Variants in GRB10 observed in about 807,000 individuals in gnomAD.
The protein encoded by GRB10 is growth factor receptor bound protein 10.
Under a neutral mutation model 80.9 loss-of-function variants are expected in GRB10, and 20 were observed. The observed-to-expected ratio is 0.25, with a 90% CI of 0.17 to 0.36. GRB10 has a LOEUF of 0.36. GRB10 is among the 10% of genes least tolerant of loss of function. The pLI, the probability that GRB10 is intolerant of heterozygous loss-of-function variation, is 1.00. For synonymous variants in GRB10, 291 were observed against 291.5 expected (o/e 1.00, Z 0.02); for missense variants, 548 against 747.7 (o/e 0.73, Z 3.12).
intron 7 of GRB10, among the ~76,000 whole-genome samples, chr7:50,628,435 C>T (rs905922455): frequency 5.3e-5 from 8 of 152,136 alleles, no homozygotes; most frequent in African/African-American, 1.7e-4. Context: ...TGGGAGGCCC[C>T]CACCTTAATC....
At chr7:50,701,814 T>G (rs2064272650) in intron 5 of GRB10, among the ~76,000 whole-genome samples, 1 of 152,232 alleles carries the variant, frequency 6.6e-6, no homozygotes, top group South Asian at 2.1e-4. Context: ...TCATTTTGTC[T>G]TGTTGTGTTT....
chr7:50,658,051 T>G (rs1488662621), intron 7 of GRB10, among the ~76,000 whole-genome samples: 1 of 152,248 alleles, frequency 6.6e-6, no homozygotes, highest in African/African-American at 2.4e-5. Flanking sequence ...ATCTTGGGTC[T>G]CAACCAAGAC....
intron 2 of GRB10, among the ~76,000 whole-genome samples, chr7:50,766,485 TA>T: frequency 6.6e-6 from 1 of 151,912 alleles, no homozygotes; most frequent in East Asian, 1.9e-4. Context: ...AAAGGAGTTT[TA>T]AAAAAAAGGG....
intron 7 of GRB10, among the ~76,000 whole-genome samples, chr7:50,651,842 C>T (rs1383898266): frequency 1.3e-5 from 2 of 152,238 alleles, no homozygotes; most frequent in Non-Finnish European, 2.9e-5. Flanking sequence ...AACATCAAAG[C>T]CACTCTTTTG....
intron 12 of GRB10, among the ~76,000 whole-genome samples, chr7:50,613,877 G>A (rs1419636093): frequency 6.6e-6 from 1 of 152,188 alleles, no homozygotes; most frequent in Admixed American, 6.5e-5. Context: ...GTGTGTTCTC[G>A]GGATGTGGCT....
chr7:50,617,335 T>C (rs546185762), intron 10 of GRB10, among the ~76,000 whole-genome samples: 2 of 152,328 alleles, frequency 1.3e-5, no homozygotes, highest in South Asian at 2.1e-4. Context: ...ATTTTAGTAG[T>C]TTCTCTTACA....
intron 7 of GRB10, among the ~76,000 whole-genome samples, chr7:50,667,112 C>T (rs549482645): frequency 6.6e-6 from 1 of 151,354 alleles, no homozygotes; most frequent in African/African-American, 2.4e-5. Flanking sequence ...TTTCAGAAGG[C>T]TTTGCCTACA....
chr7:50,776,155 C>T (rs965633151), intron 2 of GRB10, among the ~76,000 whole-genome samples: 1 of 152,194 alleles, frequency 6.6e-6, no homozygotes, highest in African/African-American at 2.4e-5. Context: ...TTAGTGTTTT[C>T]TCCCAAACAT....
At chr7:50,610,314 C>T (rs1189299706) in intron 13 of GRB10, among the ~76,000 whole-genome samples, 1 of 152,256 alleles carries the variant, frequency 6.6e-6, no homozygotes, top group East Asian at 1.9e-4. Flanking sequence ...GCATTACAAT[C>T]CTATGGCTAT....
chr7:50,774,141 C>G (rs2077328760), intron 2 of GRB10, among the ~76,000 whole-genome samples: 1 of 152,166 alleles, frequency 6.6e-6, no homozygotes, highest in Non-Finnish European at 1.5e-5. Context: ...ATGAAATGTC[C>G]TGGACAGGGA....
At chr7:50,735,420 T>C (rs2070636094) in intron 3 of GRB10, among the ~76,000 whole-genome samples, 1 of 152,222 alleles carries the variant, frequency 6.6e-6, no homozygotes, top group Non-Finnish European at 1.5e-5. Flanking sequence ...ATGATATTTT[T>C]TTTTGCAGAA....
chr7:50,728,279 T>C (rs1395152076), intron 4 of GRB10, among the ~76,000 whole-genome samples: 1 of 151,246 alleles, frequency 6.6e-6, no homozygotes, highest in Non-Finnish European at 1.5e-5. Flanking sequence ...AAAATAATAA[T>C]AATAATAACA....
chr7:50,780,492 C>A (rs1352320208), intron 2 of GRB10, 135 bp downstream of exon 2: 1 of 152,108 alleles, frequency 6.6e-6, no homozygotes, highest in Admixed American at 6.5e-5. Flanking sequence ...GTTACAAGGC[C>A]CAGAACACCA....
chr7:50,608,268 C>T (rs1172235767), intron 13 of GRB10, among the ~76,000 whole-genome samples: 1 of 152,184 alleles, frequency 6.6e-6, no homozygotes, highest in African/African-American at 2.4e-5. Context: ...GGAAGACAGA[C>T]AACTAATGTT....
intron 17 of GRB10, among the ~76,000 whole-genome samples, chr7:50,596,069 T>A (rs1307718521): frequency 6.6e-6 from 1 of 152,128 alleles, no homozygotes; most frequent in Non-Finnish European, 1.5e-5. Context: ...GCAAGATGTA[T>A]TCAAAAACTA....
intron 5 of GRB10, among the ~76,000 whole-genome samples, chr7:50,692,735 T>C (rs185852747): frequency 2.1e-4 from 32 of 152,238 alleles, no homozygotes; most frequent in Admixed American, 1.6e-3. Flanking sequence ...AAGAAAGACA[T>C]GTGTACTGCC....
intron 13 of GRB10, among the ~76,000 whole-genome samples, chr7:50,612,395 G>A (rs2096303797): frequency 6.6e-6 from 1 of 152,058 alleles, no homozygotes. Flanking sequence ...CAACTGGCCG[G>A]GCGTGCGACT....
At chr7:50,664,217 C>T (rs142001952) in intron 7 of GRB10, among the ~76,000 whole-genome samples, 118 of 152,332 alleles carry the variant, frequency 7.7e-4, no homozygotes, top group Non-Finnish European at 1.2e-3. Context: ...ATGCAGGAAC[C>T]GAGAAGGCCT....
chr7:50,768,128 A>T (rs1056939561), intron 2 of GRB10, among the ~76,000 whole-genome samples: 1 of 152,076 alleles, frequency 6.6e-6, no homozygotes, highest in Admixed American at 6.5e-5. Flanking sequence ...TCCATCATTG[A>T]CACCTCTCAG....
Sources: gnomAD v4.1 joint callset for allele counts (sites outside exome capture counted in the v4.1 genomes callset) on GRCh38, gnomAD v4.1.1 for gene constraint, MANE v1.5 for transcripts, NCBI Gene and HGNC (gene_info 2026-07-23, HGNC 2026-07-21) for gene names.